COL6A1: variants seen among roughly 807,000 people sequenced by gnomAD.
COL6A1 encodes collagen type VI alpha 1 chain, also known as collagen alpha-1(VI) chain.
A neutral mutation model predicts 145.6 loss-of-function variants in COL6A1; 80 were observed. That is an observed-to-expected ratio of 0.55 (90% CI 0.46 to 0.66). COL6A1 has a LOEUF of 0.66. Among genes scored for constraint, COL6A1 ranks in the 30% least tolerant of loss-of-function variants. The pLI is 0.00. For synonymous variants in COL6A1, 638 were observed against 622.8 expected, an observed-to-expected ratio of 1.02 and a Z score of -0.36; for missense variants, 1,364 against 1,473.8, an observed-to-expected ratio of 0.93 and a Z score of 1.22.
rs750950364 is a variant in COL6A1 at position 46,000,314 on chromosome 21, C to T, written c.1777-17C>T. ...GGGCTGTCTATGGCCCCAGTACCCT[C>T]GTCTCTCCCTCCCCAGGAATGCGAG... On this transcript the variant is annotated splice_polypyrimidine_tract_variant and intron_variant, in intron 27 of 34. Coordinates refer to ENST00000361866, the MANE Select transcript of COL6A1 (RefSeq NM_001848.3). 35 of 1,613,740 alleles carry T rather than the reference C, an allele frequency of 2.2e-5. No individual in the cohort carries two copies. Among genetic ancestry groups the T allele is most frequent in the South Asian group, 1.1e-4 (10 of 91,084 alleles).
chr21:46,000,553 TGA>T (rs1276438437), intron 28 of COL6A1, among the ~76,000 whole-genome samples, 186 bp downstream of exon 28: 2 of 151,990 alleles, frequency 1.3e-5, no homozygotes, highest in East Asian at 1.9e-4. Flanking sequence ...CCGCACAGGC[TGA>T]GAGTCCCCGG....
At chr21:45,991,922 G>A in intron 15 of COL6A1, 88 bp from the exon 16 acceptor site, 1 of 1,316,988 alleles carries the variant, frequency 7.6e-7, no homozygotes, top group Non-Finnish European at 1.1e-6. Flanking sequence ...CCTGAAGTAT[G>A]GGTGAGAGGC....
chr21:46,001,343 T>C lies in COL6A1; in HGVS notation c.1913T>C (p.Val638Ala). 1 of 1,612,826 alleles carries C rather than the reference T, an allele frequency of 6.2e-7. No homozygotes were observed. Among genetic ancestry groups the C allele is most frequent in the Non-Finnish European group, 8.5e-7 (1 of 1,179,884 alleles). Residue 638 changes from valine to alanine, a missense_variant, in exon 30 of 35, where the codon GTC (valine) becomes GCC (alanine). Physicochemically the swap from Val to Ala is moderately conservative, Grantham distance 64. Transcript: ENST00000361866. ...AACTTCGAGATTGCCAAGGACTTCG[T>C]CGTCAAGGTCATCGACCGGCTGAGC... ...LQNFEIAKDF[V>A]VKVIDRLSRD...
intron 33 of COL6A1, 69 bp downstream of exon 33, chr21:46,002,779 A>G: frequency 6.8e-7 from 1 of 1,472,200 alleles, no homozygotes; most frequent in Non-Finnish European, 9.2e-7. Flanking sequence ...GGGCAGTCCC[A>G]GATCTGCGTA....
chr21:45,982,062 C>T (rs2077710304), intron 1 of COL6A1, 115 bp downstream of exon 1: 2 of 877,154 alleles, frequency 2.3e-6, no homozygotes, highest in Middle Eastern at 3.4e-4. Context: ...GCCTGGAGCC[C>T]CTGAACCCCA....
At position 45,992,500 on chromosome 21, in the gene COL6A1, C is replaced by T. The variant is rs1271538187; in HGVS notation, c.1272+102C>T. 16 of 1,395,958 alleles carry T rather than the reference C, an allele frequency of 1.1e-5. No homozygotes were observed. In the East Asian group the frequency reaches 3.2e-4, roughly 28 times the overall value. 86.5% of individuals were successfully genotyped at this position (1,395,958 alleles called of 1,614,324 possible). A position where few individuals can be genotyped will look rare whatever the true frequency, so the allele number is the denominator to read the frequency against. ...CCCTCCCAGCACTGAGAGCCATGGC[C>T]TCCTGCCCAAGACAAATGGGTTTCT... On this transcript the variant is annotated intron_variant, in intron 18 of 34. Transcript: ENST00000361866.
At chr21:45,995,508 C>CAG (rs1442747054) in intron 20 of COL6A1, among the ~76,000 whole-genome samples, 1 of 152,240 alleles carries the variant, frequency 6.6e-6, no homozygotes. Context: ...AATGAGCGTT[C>CAG]AGAGGCCAGG....
chr21:45,982,665 C>T lies in COL6A1; in HGVS notation c.129C>T (p.Asp43=), dbSNP rs1376425830. The T allele has an allele frequency of 1.2e-6, 2 of 1,612,908 alleles. No homozygotes were observed. Among genetic ancestry groups the T allele is most frequent in the African/African-American group, 1.3e-5 (1 of 75,062 alleles). ...DCPVDLFFVL[D]TSESVALRLK... ...CCGTGGACCTGTTCTTTGTGCTGGACACCTCTGAGAGCGTGGCCCTGAGGC... is the reference window on the plus strand; with the variant it reads ...CCGTGGACCTGTTCTTTGTGCTGGATACCTCTGAGAGCGTGGCCCTGAGGC... The change falls in exon 2 of 35, where the codon GAC becomes GAT. Residue 43 remains aspartate (D), a synonymous_variant. Transcript: ENST00000361866.
chr21:46,004,183 C>T lies in COL6A1; in HGVS notation c.*170C>T. ...CGCTGCTGCCTGCTTTGTGCAGGGT[C>T]CTCCGGGGCTCAGCCCTGAGTTGGC... On this transcript the variant is annotated 3_prime_UTR_variant, in exon 35 of 35. Transcript: ENST00000361866. 1.1e-6 allele frequency: 1 copy of T among 915,850 alleles called. No homozygotes were observed. Among genetic ancestry groups the T allele is most frequent in the Non-Finnish European group, 1.6e-6 (1 of 613,430 alleles). 56.7% of individuals were successfully genotyped at this position (915,850 alleles called of 1,614,324 possible). A position where few individuals can be genotyped will look rare whatever the true frequency, so the allele number is the denominator to read the frequency against.
Position 45,990,960 on chromosome 21 carries a change from G to C in COL6A1, c.1057-19G>C. ...CGGTGGCCTCTGCCGGTGGTGTCATGCTGCCCTCTTTTCTCCAGGGCATTC... is the reference window on the plus strand; with the variant it reads ...CGGTGGCCTCTGCCGGTGGTGTCATCCTGCCCTCTTTTCTCCAGGGCATTC... On this transcript the variant is annotated intron_variant, in intron 14 of 34. Coordinates refer to ENST00000361866, the MANE Select transcript of COL6A1 (RefSeq NM_001848.3). 1 of 1,613,354 alleles carries C rather than the reference G, an allele frequency of 6.2e-7. No individual in the cohort carries two copies.
rs1399956018 is a variant in COL6A1 at position 46,000,740 on chromosome 21, CTCTT to C, written c.1814-15_1814-12del. 1.2e-6 allele frequency: 2 copies of C among 1,613,960 alleles called. No individual in the cohort carries two copies. Among genetic ancestry groups the C allele is most frequent in the Admixed American group, 1.7e-5 (1 of 60,028 alleles). On this transcript the variant is annotated splice_polypyrimidine_tract_variant and intron_variant, in intron 28 of 34. Coordinates refer to ENST00000361866, the MANE Select transcript of COL6A1 (RefSeq NM_001848.3). ...ACGCGGCCCTGACTGGTCTAACTGA[CTCTT>C]TCTCTTCTCCTCAGCTTGCTGTGGT... is the stretch of plus-strand genomic sequence containing the variant.
chr21:45,984,389 CGT>C lies in COL6A1; in HGVS notation c.350_351del (p.Val117GlyfsTer34), dbSNP rs774089424. 3.7e-6 allele frequency: 6 copies of C among 1,612,748 alleles called. No individual in the cohort carries two copies. The South Asian group carries it at 6.6e-5, about 18-fold the overall frequency. On this transcript the variant is annotated frameshift_variant, in exon 3 of 35. Transcript: ENST00000361866. LOFTEE classifies it high-confidence loss of function. ...PGGRDALKSS[V>X]DAVKYFGKGT... ...GCGGCCGCGACGCACTCAAAAGCAG[CGT>C]GGACGCGGTCAAGTACTTTGGGAAG...
Position 45,994,973 on chromosome 21 carries a change from G to A in COL6A1, c.1398+744G>A, listed in dbSNP as rs1235767409. On this transcript the variant is annotated intron_variant, in intron 20 of 34. Coordinates refer to ENST00000361866, the MANE Select transcript of COL6A1 (RefSeq NM_001848.3). The surrounding 1 kb of genome is among the most constrained non-coding windows in gnomAD (Gnocchi z 6.8). The stretch of plus-strand genomic sequence containing the variant: ...CCATGTGCGCAGCTGCCCACACACC[G>A]AGCACAAGGCCAGACCCTGGGCACG... Among the ~76,000 whole-genome samples, 2 of 152,242 alleles carry A rather than the reference G, an allele frequency of 1.3e-5. No homozygotes were observed. Among genetic ancestry groups the A allele is most frequent in the East Asian group, 1.9e-4 (1 of 5,194 alleles).
intron 24 of COL6A1, 112 bp downstream of exon 24, chr21:45,998,545 G>A: frequency 6.9e-7 from 1 of 1,440,262 alleles, no homozygotes; most frequent in Non-Finnish European, 9.7e-7. Flanking sequence ...AACACACGGG[G>A]TACACAGGCA....
chr21:45,998,153 G>T lies in COL6A1; in HGVS notation c.1557G>T (p.Glu519Asp). 6.2e-7 allele frequency: 1 copy of T among 1,612,450 alleles called. No individual in the cohort carries two copies. Among genetic ancestry groups the T allele is most frequent in the East Asian group, 2.2e-5 (1 of 44,848 alleles). ...ACGGCCCCGCTGGAAATGGCACCGA[G>T]GGCTTCCCCGGCTTCCCCGTAAGTG... ...GEDGPAGNGT[E>D]GFPGFPGYPG... The change falls in exon 23 of 35, where the codon GAG becomes GAT. Residue 519 changes from glutamate (E) to aspartate (D), a missense_variant. Physicochemically the swap from Glu to Asp is conservative, Grantham distance 45. Transcript: ENST00000361866.
chr21:45,985,450 CTG>C (rs1172265913), intron 3 of COL6A1, among the ~76,000 whole-genome samples: 2 of 152,154 alleles, frequency 1.3e-5, no homozygotes, highest in African/African-American at 4.8e-5. Flanking sequence ...GACTGAGAGA[CTG>C]AGAGAGACGG....
At position 45,992,042 on chromosome 21, in the gene COL6A1, A is replaced by T; in HGVS notation, c.1152A>T (p.Arg384Ser). ...GEPGADGEAG[R>S]PGSSGPSGDE... is the part of the protein sequence containing the mutation. ...CTGGAGCTGACGGGGAGGCGGGGAG[A>T]CCAGGGAGCTCGGGACCATCTGGAG... is the stretch of plus-strand genomic sequence containing the variant. The change falls in exon 16 of 35, where the codon AGA (arginine) becomes AGT (serine). Residue 384 changes from arginine (R) to serine (S), a missense_variant. This residue lies in a region of COL6A1 where 938 missense variants were observed against 1,003.8 expected (regional missense o/e 0.93). Transcript: ENST00000361866. 1.9e-6 allele frequency: 3 copies of T among 1,607,314 alleles called. No homozygotes were observed. Among genetic ancestry groups the T allele is most frequent in the Non-Finnish European group, 2.5e-6 (3 of 1,177,552 alleles).
In COL6A1 at chr21:45,994,871, C is replaced by T. The variant is rs551084321; in HGVS notation, c.1398+642C>T. ...TGCCCCACGGGGACAGGAAGGCCTCCACACGGTCACGCCCGGAGACAGCAA... is the reference window on the plus strand; with the variant it reads ...TGCCCCACGGGGACAGGAAGGCCTCTACACGGTCACGCCCGGAGACAGCAA... On this transcript the variant is annotated intron_variant, in intron 20 of 34. Transcript: ENST00000361866. The surrounding 1 kb of genome is among the most constrained non-coding windows in gnomAD (Gnocchi z 6.8). Among the ~76,000 whole-genome samples the T allele has an allele frequency of 6.6e-6, 1 of 152,312 alleles. No individual in the cohort carries two copies. The highest frequency in any genetic ancestry group is 1.9e-4 in the East Asian group (1 of 5,168).
At position 46,004,093 on chromosome 21, in the gene COL6A1, AT is replaced by A; in HGVS notation, c.*84del. On this transcript the variant is annotated 3_prime_UTR_variant, in exon 35 of 35. Coordinates refer to ENST00000361866, the MANE Select transcript of COL6A1 (RefSeq NM_001848.3). The stretch of plus-strand genomic sequence containing the variant: ...CTAAACAGAGTAAAATGTGATGCGA[AT>A]TTTCCCGACCAACCTGATTCGCTAG... 1 of 1,557,794 alleles carries A rather than the reference AT, an allele frequency of 6.4e-7. No homozygotes were observed. Among genetic ancestry groups the A allele is most frequent in the Non-Finnish European group, 8.8e-7 (1 of 1,141,002 alleles).
Sources: allele counts gnomAD v4.1 joint callset (sites outside exome capture counted in the v4.1 genomes callset), GRCh38; gene constraint gnomAD v4.1.1; regional missense constraint gnomAD v4.1.1; non-coding constraint Gnocchi (gnomAD v3.1); transcripts MANE v1.5; gene names NCBI Gene and HGNC (gene_info 2026-07-23, HGNC 2026-07-21).